SLC44A1: variants seen among roughly 807,000 people sequenced by gnomAD.
The protein encoded by SLC44A1 is choline transporter-like protein 1.
In SLC44A1, 26 loss-of-function variants were observed where a neutral mutation model predicts 79.3. That is an observed-to-expected ratio of 0.33 (90% CI 0.24 to 0.46). The LOEUF is 0.46. SLC44A1 is among the 20% of genes least tolerant of loss of function. The probability of loss-of-function intolerance (pLI) is 1.00; values close to 1 mark genes in which losing one functional copy is unlikely to be tolerated. For missense variants in SLC44A1, 688 were observed against 798.1 expected (o/e 0.86, Z 1.66); for synonymous variants, 263 against 286.2 (o/e 0.92, Z 0.82).
At chr9:105,311,747 T>C (rs1490007943) in intron 3 of SLC44A1, among the ~76,000 whole-genome samples, 1 of 152,228 alleles carries the variant, frequency 6.6e-6, no homozygotes. Flanking sequence ...CTTCTCTTAC[T>C]GTATGACCTT....
chr9:105,311,348 G>A (rs189257456), intron 3 of SLC44A1, among the ~76,000 whole-genome samples: 15 of 152,162 alleles, frequency 9.9e-5, no homozygotes, highest in Admixed American at 9.2e-4. Context: ...TTACAATTTA[G>A]ATAATTGAGG....
intron 13 of SLC44A1, among the ~76,000 whole-genome samples, chr9:105,378,109 A>G (rs536019677): frequency 6.6e-6 from 1 of 152,284 alleles, no homozygotes; most frequent in African/African-American, 2.4e-5. Context: ...TTAGCCAGGC[A>G]TATAGTGGTA....
At chr9:105,313,580 T>C (rs182899724) in intron 3 of SLC44A1, among the ~76,000 whole-genome samples, 1 of 152,318 alleles carries the variant, frequency 6.6e-6, no homozygotes, top group African/African-American at 2.4e-5. Context: ...TGTTCCTTGC[T>C]GGCTGCCATT....
At chr9:105,320,144 A>G (rs896310540) in intron 3 of SLC44A1, among the ~76,000 whole-genome samples, 5 of 152,190 alleles carry the variant, frequency 3.3e-5, no homozygotes, top group East Asian at 1.9e-4. Flanking sequence ...TTTAAAACAT[A>G]TAATAATGCT....
At chr9:105,387,058 A>ACATATATATATATATAT (rs1305803865) in intron 15 of SLC44A1, among the ~76,000 whole-genome samples, 3 of 8,556 alleles carry the variant, frequency 3.5e-4, no homozygotes, top group African/African-American at 8.3e-4. Context: ...AAAAAAAAAA[A>ACATATATATATATATAT]AAATATATAT....
At chr9:105,358,614 G>C (rs1827691663) in intron 7 of SLC44A1, among the ~76,000 whole-genome samples, 181 bp downstream of exon 7, 1 of 151,906 alleles carries the variant, frequency 6.6e-6, no homozygotes, top group Non-Finnish European at 1.5e-5. Context: ...ATCACTGTTG[G>C]CATTTGAAGT....
rs977130223 is a variant in SLC44A1 at position 105,389,761 on chromosome 9, G to A, written c.*705G>A. On this transcript the variant is annotated 3_prime_UTR_variant, in exon 16 of 16. Transcript: ENST00000374720. ...AAAAGAAAAGGGTAGATAATCTTTC[G>A]TATGCAAACTTTTCCCTTATATTTT... The A allele has an allele frequency of 2.4e-5, 31 of 1,302,428 alleles. No homozygotes were observed. The highest frequency in any genetic ancestry group is 1.2e-4 in the African/African-American group (8 of 65,960). The allele number at this position is 1,302,428 out of a possible 1,614,324, so 80.7% of individuals were successfully genotyped here.
chr9:105,430,576 A>G (rs1348584731), intron 15 of SLC44A1, among the ~76,000 whole-genome samples: 2 of 152,234 alleles, frequency 1.3e-5, no homozygotes, highest in Admixed American at 6.5e-5. Flanking sequence ...TCAAGTTTCA[A>G]TAATGTTGTA....
intron 15 of SLC44A1, among the ~76,000 whole-genome samples, chr9:105,437,677 T>A (rs961291347): frequency 2.6e-5 from 4 of 152,218 alleles, no homozygotes; most frequent in African/African-American, 9.7e-5. Context: ...TCACTATTTC[T>A]TGAATTGAAC....
rs1342931590 is a variant in SLC44A1 at position 105,365,418 on chromosome 9, A to G, written c.1254-65A>G. On this transcript the variant is annotated intron_variant, in intron 10 of 15. Coordinates refer to ENST00000374720, the MANE Select transcript of SLC44A1 (RefSeq NM_080546.5). ...TTTTCACTGCGTTGGACTCTAAACC[A>G]TACCTGTGTTTCCATCCTGATCTAG... is the stretch of plus-strand genomic sequence containing the variant. 15 of 1,321,236 alleles carry G rather than the reference A, an allele frequency of 1.1e-5. No homozygotes were observed. The East Asian group carries it at 3.2e-4, about 29-fold the overall frequency. The allele number at this position is 1,321,236 out of a possible 1,614,324, so 81.8% of individuals were successfully genotyped here. A position where few individuals can be genotyped will look rare whatever the true frequency, so the allele number is the denominator to read the frequency against.
intron 1 of SLC44A1, among the ~76,000 whole-genome samples, chr9:105,277,467 A>G (rs948947836): frequency 2.0e-5 from 3 of 152,152 alleles, no homozygotes; most frequent in Non-Finnish European, 4.4e-5. Context: ...AAAATCTCAA[A>G]TCTCAAGCAG....
At chr9:105,336,789 C>A (rs1477572685) in intron 4 of SLC44A1, among the ~76,000 whole-genome samples, 2 of 152,150 alleles carry the variant, frequency 1.3e-5, no homozygotes, top group East Asian at 3.9e-4. Context: ...TGGCAGTATC[C>A]CTGTTCCGTT....
At chr9:105,294,704 T>C (rs1830678722) in intron 1 of SLC44A1, 1 of 152,096 alleles carries the variant, frequency 6.6e-6, no homozygotes, top group Non-Finnish European at 1.5e-5. Flanking sequence ...GGATCTGTGC[T>C]TTGATTTCTT....
chr9:105,393,195 C>G lies in SLC44A1; in HGVS notation c.*4139C>G, dbSNP rs771857995. The stretch of plus-strand genomic sequence containing the variant: ...ATTCTGTATTCACAGCGTAGGCTGC[C>G]TTTTGCTTTAAATGCATATTCATGT... On this transcript the variant is annotated 3_prime_UTR_variant, in exon 16 of 16. Transcript: ENST00000374720. The G allele has an allele frequency of 2.4e-5, 24 of 985,334 alleles. No homozygotes were observed. Among genetic ancestry groups the G allele is most frequent in the Non-Finnish European group, 2.8e-5 (23 of 829,940 alleles). 61.0% of individuals were successfully genotyped at this position (985,334 alleles called of 1,614,324 possible).
intron 1 of SLC44A1, among the ~76,000 whole-genome samples, chr9:105,268,454 T>G (rs1188748274): frequency 1.3e-5 from 2 of 152,196 alleles, no homozygotes; most frequent in Non-Finnish European, 2.9e-5. Flanking sequence ...CAACATTTAC[T>G]CTAAGTAGAC....
At chr9:105,251,369 C>T (rs561019709) in intron 1 of SLC44A1, among the ~76,000 whole-genome samples, 2 of 152,256 alleles carry the variant, frequency 1.3e-5, no homozygotes, top group African/African-American at 4.8e-5. Flanking sequence ...GCCAGCACTC[C>T]GGTTCAAGCC....
At chr9:105,417,594 G>A (rs889901599) in intron 15 of SLC44A1, among the ~76,000 whole-genome samples, 1 of 152,146 alleles carries the variant, frequency 6.6e-6, no homozygotes, top group Non-Finnish European at 1.5e-5. Flanking sequence ...TGAAGACTGA[G>A]TGAAAAGTGT....
Position 105,297,674 on chromosome 9 carries a change from G to T in SLC44A1, c.37-1546G>T, listed in dbSNP as rs893978778. The stretch of plus-strand genomic sequence containing the variant: ...TGGGATTACAGGCATGAGCCACCAT[G>T]CCTGGCCTGTGCTTACATATTAAGA... On this transcript the variant is annotated intron_variant, in intron 1 of 15. Transcript: ENST00000374720. Among the ~76,000 whole-genome samples the T allele has an allele frequency of 5.3e-5, 8 of 152,270 alleles. No individual in the cohort carries two copies. In the Middle Eastern group the frequency reaches 0.01, roughly 194 times the overall value.
chr9:105,389,177 A>G lies in SLC44A1; in HGVS notation c.*121A>G, dbSNP rs1828702797. On this transcript the variant is annotated 3_prime_UTR_variant, in exon 16 of 16. Coordinates refer to ENST00000374720, the MANE Select transcript of SLC44A1 (RefSeq NM_080546.5). ...TGTATGTGTGTATATATGTATATGT[A>G]TATACACACACACACATAAATCAGC... 1.4e-6 allele frequency: 2 copies of G among 1,430,894 alleles called. No homozygotes were observed. Among genetic ancestry groups the G allele is most frequent in the South Asian group, 1.6e-5 (1 of 62,514 alleles). 88.6% of individuals were successfully genotyped at this position (1,430,894 alleles called of 1,614,324 possible). A position where few individuals can be genotyped will look rare whatever the true frequency, so the allele number is the denominator to read the frequency against.
Sources: allele counts gnomAD v4.1 joint callset (sites outside exome capture counted in the v4.1 genomes callset), GRCh38; gene constraint gnomAD v4.1.1; transcripts MANE v1.5; gene names NCBI Gene and HGNC (gene_info 2026-07-23, HGNC 2026-07-21).